Variants in CRY1 observed in about 807,000 individuals in gnomAD.
CRY1 encodes cryptochrome-1.
Under a neutral mutation model 76.0 loss-of-function variants are expected in CRY1, and 45 were observed. That is an observed-to-expected ratio of 0.59 (90% CI 0.47 to 0.76). The LOEUF is 0.76. Ranked by LOEUF, CRY1 falls within the 30% of genes least tolerant of loss-of-function variation. The pLI, the probability that CRY1 is intolerant of heterozygous loss-of-function variation, is 0.00. For missense variants in CRY1, 587 were observed against 716.4 expected (o/e 0.82, Z 2.06); for synonymous variants, 248 against 244.0 (o/e 1.02, Z -0.15).
chr12:107,053,229 CA>C (rs1484671933), intron 1 of CRY1, among the ~76,000 whole-genome samples: 1 of 151,976 alleles, frequency 6.6e-6, no homozygotes, highest in African/African-American at 2.4e-5. Flanking sequence ...GATAAAAAGA[CA>C]TTTTTAAAAA....
chr12:106,992,822 T>C lies in CRY1; in HGVS notation c.1726A>G (p.Ile576Val), dbSNP rs1952193495. The C allele has an allele frequency of 1.2e-6, 2 of 1,614,054 alleles. No individual in the cohort carries two copies. Among genetic ancestry groups the C allele is most frequent in the Non-Finnish European group, 8.5e-7 (1 of 1,179,906 alleles). ...CTCTGTCTCTGGACTTTAGGACCAA[T>C]ACTCTGTGTGTCCTCTTCCTGACTA... ...RPSQEEDTQS[I>V]GPKVQRQSTN Residue 576 changes from isoleucine to valine, a missense_variant, in exon 12 of 13, where the codon ATT becomes GTT. Transcript: ENST00000008527.
chr12:107,082,585 T>A (rs1953340756), intron 1 of CRY1, among the ~76,000 whole-genome samples: 2 of 152,194 alleles, frequency 1.3e-5, no homozygotes, highest in Non-Finnish European at 2.9e-5. Flanking sequence ...AATCTGCTCC[T>A]GAGTGACTAC....
intron 1 of CRY1, among the ~76,000 whole-genome samples, chr12:107,050,766 G>C (rs1952908852): frequency 6.6e-6 from 1 of 152,162 alleles, no homozygotes; most frequent in African/African-American, 2.4e-5. Flanking sequence ...ATGGATCTTT[G>C]TAAAGATGAC....
intron 1 of CRY1, among the ~76,000 whole-genome samples, chr12:107,028,189 TCA>T (rs1447817026): frequency 2.6e-5 from 4 of 152,204 alleles, no homozygotes; most frequent in African/African-American, 7.2e-5. Context: ...ATGGAGATTC[TCA>T]GTCATTAACC....
At chr12:107,065,302 A>G (rs1303597448) in intron 1 of CRY1, among the ~76,000 whole-genome samples, 18 of 151,848 alleles carry the variant, frequency 1.2e-4, no homozygotes, top group Admixed American at 1.2e-3. Context: ...CTGAAAAAAA[A>G]GGAGTAAAGG....
chr12:107,009,694 A>G (rs1952421757), intron 2 of CRY1, among the ~76,000 whole-genome samples: 1 of 150,154 alleles, frequency 6.7e-6, no homozygotes, highest in Non-Finnish European at 1.5e-5. Context: ...GGATGGCTTG[A>G]GCACAGGAGT....
chr12:107,040,398 G>A (rs1952785179), intron 1 of CRY1, among the ~76,000 whole-genome samples: 1 of 146,004 alleles, frequency 6.8e-6, no homozygotes, highest in Non-Finnish European at 1.5e-5. Flanking sequence ...TGATTTTTCT[G>A]CCCCAGCCTC....
chr12:107,010,417 G>A (rs1483205196), intron 2 of CRY1, among the ~76,000 whole-genome samples: 1 of 152,092 alleles, frequency 6.6e-6, no homozygotes, highest in African/African-American at 2.4e-5. Context: ...ATTGTGCTTT[G>A]CTATTTATTG....
chr12:106,993,105 CA>C, intron 10 of CRY1, 69 bp from the exon 11 acceptor site: 1 of 1,484,276 alleles, frequency 6.7e-7, no homozygotes, highest in Non-Finnish European at 9.3e-7. Context: ...ATTAAGTCTA[CA>C]AATCCAACTT....
At chr12:107,031,877 T>G (rs945222607) in intron 1 of CRY1, among the ~76,000 whole-genome samples, 18 of 152,260 alleles carry the variant, frequency 1.2e-4, no homozygotes, top group Admixed American at 1.1e-3. Context: ...AAAGAAAAAC[T>G]TAGTGGAAAT....
At chr12:107,025,251 A>C (rs1952595291) in intron 1 of CRY1, among the ~76,000 whole-genome samples, 1 of 152,214 alleles carries the variant, frequency 6.6e-6, no homozygotes, top group Non-Finnish European at 1.5e-5. Context: ...ACATTCCTTC[A>C]AAGTAGAAGA....
At chr12:107,020,626 C>T (rs889682923) in intron 2 of CRY1, among the ~76,000 whole-genome samples, 1 of 151,962 alleles carries the variant, frequency 6.6e-6, no homozygotes, top group Admixed American at 6.6e-5. Flanking sequence ...TCCCCTTTCC[C>T]TTCCCCTTCC....
chr12:107,006,067 C>G (rs1449695436), intron 2 of CRY1, among the ~76,000 whole-genome samples: 2 of 152,034 alleles, frequency 1.3e-5, no homozygotes, highest in African/African-American at 4.8e-5. Context: ...TAGACAAGGG[C>G]TATTCCAATG....
At chr12:107,073,243 C>CTCT (rs1555202566) in intron 1 of CRY1, among the ~76,000 whole-genome samples, 1,768 of 148,018 alleles carry the variant, frequency 0.012, 40 homozygotes, top group African/African-American at 0.041. Flanking sequence ...CTCTCTCTCT[C>CTCT]TTTTTTTTTT....
chr12:107,090,378 C>G (rs1316326645), intron 1 of CRY1, among the ~76,000 whole-genome samples: 3 of 152,190 alleles, frequency 2.0e-5, no homozygotes, highest in Non-Finnish European at 4.4e-5. Context: ...CATGCCTGAC[C>G]AAAATACTTT....
At chr12:107,024,560 A>AGTTTTTGTG (rs1182278592) in intron 1 of CRY1, among the ~76,000 whole-genome samples, 2 of 152,086 alleles carry the variant, frequency 1.3e-5, no homozygotes, top group Non-Finnish European at 2.9e-5. Flanking sequence ...TAGTTTTTGT[A>AGTTTTTGTG]GAGGTGGGGT....
rs10522970 is a variant in CRY1, at chr12:106,998,659, AACACAC to A, written c.1138-599_1138-594del. ...GTGTACTAGGAAATATAAGAGATTAAACACACACACACACACACACACACACACACA... is the reference window on the plus strand; with the variant it reads ...GTGTACTAGGAAATATAAGAGATTAAACACACACACACACACACACACACA... On this transcript the variant is annotated intron_variant, in intron 7 of 12. Coordinates refer to ENST00000008527, the MANE Select transcript of CRY1 (RefSeq NM_004075.5). 7.4e-3 allele frequency among the ~76,000 whole-genome samples: 1,065 copies of A among 143,434 alleles called. 15 individuals carry two copies. The highest frequency in any genetic ancestry group is 0.026 in the African/African-American group (971 of 37,466). The allele number at this position is 143,434 out of a possible 152,430, so 94.1% of individuals were successfully genotyped here. A position where few individuals can be genotyped will look rare whatever the true frequency, so the allele number is the denominator to read the frequency against.
intron 2 of CRY1, among the ~76,000 whole-genome samples, chr12:107,016,249 G>C (rs893971804): frequency 2.6e-5 from 4 of 152,198 alleles, no homozygotes; most frequent in Non-Finnish European, 4.4e-5. Flanking sequence ...GGTGGAGGCT[G>C]CAGTGAGCTG....
chr12:107,010,777 T>G (rs1480642973), intron 2 of CRY1, among the ~76,000 whole-genome samples: 1 of 139,922 alleles, frequency 7.1e-6, no homozygotes, highest in East Asian at 2.3e-4. Context: ...CTATTGTAAT[T>G]GTTTTGGGGT....
Sources: allele counts gnomAD v4.1 joint callset (sites outside exome capture counted in the v4.1 genomes callset), GRCh38; gene constraint gnomAD v4.1.1; transcripts MANE v1.5; gene names NCBI Gene and HGNC (gene_info 2026-07-23, HGNC 2026-07-21).